The following COLGALT1 variants were observed in gnomAD, a reference collection of about 807,000 sequenced individuals.
COLGALT1 encodes procollagen galactosyltransferase 1.
A neutral mutation model predicts 60.8 loss-of-function variants in COLGALT1; 43 were observed. The observed-to-expected ratio is 0.71, with a 90% confidence interval of 0.55 to 0.91. COLGALT1 has a LOEUF of 0.91. Among genes scored for constraint, COLGALT1 ranks in the 40% least tolerant of loss-of-function variants. The pLI, the probability that COLGALT1 is intolerant of heterozygous loss-of-function variation, is 0.00. For missense variants in COLGALT1, 845 were observed against 880.0 expected (o/e 0.96, Z 0.50); for synonymous variants, 369 against 374.2 (o/e 0.99, Z 0.16).
Position 17,581,558 on chromosome 19 carries a change from G to T in COLGALT1, c.*114G>T, listed in dbSNP as rs2076383065. 1 of 1,372,424 alleles carries T rather than the reference G, an allele frequency of 7.3e-7. No individual in the cohort carries two copies. The highest frequency in any genetic ancestry group is 2.6e-5 in the Admixed American group (1 of 38,290). 85.0% of individuals were successfully genotyped at this position (1,372,424 alleles called of 1,614,324 possible). A position where few individuals can be genotyped will look rare whatever the true frequency, so the allele number is the denominator to read the frequency against. On this transcript the variant is annotated 3_prime_UTR_variant, in exon 12 of 12. Transcript: ENST00000252599. ...GGCAGGCCACAGAGGGCTCTCGTGTGGGGTGGTGTCCAGCCAGCTCTTGCT... is the reference window on the plus strand; with the variant it reads ...GGCAGGCCACAGAGGGCTCTCGTGTTGGGTGGTGTCCAGCCAGCTCTTGCT...
intron 3 of COLGALT1, among the ~76,000 whole-genome samples, chr19:17,565,365 C>T (rs1475230096): frequency 6.6e-6 from 1 of 151,990 alleles, no homozygotes; most frequent in Non-Finnish European, 1.5e-5. Flanking sequence ...CGGGGTTTCA[C>T]CGTGTTGCCC....
chr19:17,564,359 G>A (rs1038219690), intron 3 of COLGALT1, among the ~76,000 whole-genome samples: 1 of 149,700 alleles, frequency 6.7e-6, no homozygotes, highest in African/African-American at 2.5e-5. Flanking sequence ...ACATATATAC[G>A]TGTGTGTGTG....
At chr19:17,576,329 C>G (rs1362998764) in intron 6 of COLGALT1, among the ~76,000 whole-genome samples, 4 of 152,148 alleles carry the variant, frequency 2.6e-5, no homozygotes, top group South Asian at 4.2e-4. Flanking sequence ...AGGGTGACCC[C>G]CATGCCCAGG....
chr19:17,580,518 C>T (rs1015115180), intron 10 of COLGALT1, 181 bp from the exon 11 acceptor site: 18 of 627,122 alleles, frequency 2.9e-5, no homozygotes, highest in African/African-American at 2.4e-4. Context: ...ACTCACTCTT[C>T]TCCCCCATGA....
At chr19:17,576,944 A>G in intron 6 of COLGALT1, 1 of 528,550 alleles carries the variant, frequency 1.9e-6, no homozygotes, top group Non-Finnish European at 3.3e-6. Flanking sequence ...GGGTGTGGCC[A>G]GGGCTGAGAG....
intron 6 of COLGALT1, 169 bp from the exon 7 acceptor site, chr19:17,577,026 A>G (rs1055481839): frequency 1.8e-5 from 8 of 441,640 alleles, no homozygotes; most frequent in Non-Finnish European, 2.8e-5. Flanking sequence ...GCAGGGTTCA[A>G]ATGACATGGG....
At chr19:17,556,062 C>T in intron 1 of COLGALT1, 89 bp downstream of exon 1, 4 of 1,230,900 alleles carry the variant, frequency 3.2e-6, no homozygotes, top group East Asian at 6.4e-5. Context: ...AGCCCCTGCC[C>T]GCTGTCCTCT....
Position 17,568,684 on chromosome 19 carries a change from T to C in COLGALT1, c.800T>C (p.Ile267Thr). The C allele has an allele frequency of 6.2e-7, 1 of 1,614,204 alleles. No homozygotes were observed. Among genetic ancestry groups the C allele is most frequent in the Non-Finnish European group, 8.5e-7 (1 of 1,180,028 alleles). Residue 267 changes from isoleucine (I) to threonine (T), a missense_variant, in exon 5 of 12, where the codon ATC becomes ACC. Physicochemically the swap from Ile to Thr is moderately conservative, Grantham distance 89. Coordinates refer to ENST00000252599, the MANE Select transcript of COLGALT1 (RefSeq NM_024656.4). ...TACACCTGGTCCTTTGACGACATCA[T>C]CGTCTTTGCCTTCTCCTGCAAGCAG... Reference protein sequence around the residue: ...PDYTWSFDDIIVFAFSCKQAE... With the variant: ...PDYTWSFDDITVFAFSCKQAE...
rs1297017666 is a variant in COLGALT1, at chr19:17,581,032, C to T, written c.1601+127C>T. ...TTGCCTACTTCTCCCTCCGTTTGCC[C>T]CCTCGCAGATCTGTCTCCATTTGTA... On this transcript the variant is annotated intron_variant, in intron 11 of 11. Coordinates refer to ENST00000252599, the MANE Select transcript of COLGALT1 (RefSeq NM_024656.4). 9 of 1,391,562 alleles carry T rather than the reference C, an allele frequency of 6.5e-6. No individual in the cohort carries two copies. In the African/African-American group the frequency reaches 8.6e-5, roughly 13 times the overall value. The allele number at this position is 1,391,562 out of a possible 1,614,324, so 86.2% of individuals were successfully genotyped here.
chr19:17,579,172 AAAAAAAAAAAG>A (rs2076362887), intron 9 of COLGALT1, among the ~76,000 whole-genome samples: 1 of 151,948 alleles, frequency 6.6e-6, no homozygotes, highest in African/African-American at 2.4e-5. Flanking sequence ...CGTCTCAAAA[AAAAAAAAAAAG>A]AAAAAGAAAA....
chr19:17,563,043 C>G (rs2076258160), intron 3 of COLGALT1, among the ~76,000 whole-genome samples: 1 of 152,058 alleles, frequency 6.6e-6, no homozygotes, highest in Non-Finnish European at 1.5e-5. Context: ...ACAAAGCTGC[C>G]TTGTCCTGCC....
intron 5 of COLGALT1, among the ~76,000 whole-genome samples, chr19:17,569,957 C>A (rs551121993): frequency 3.9e-5 from 5 of 127,232 alleles, no homozygotes; most frequent in African/African-American, 1.5e-4. Flanking sequence ...TGCAGTGGCC[C>A]GATCTTGGCT....
chr19:17,567,563 G>A, intron 4 of COLGALT1, 23 bp downstream of exon 4: 1 of 1,607,712 alleles, frequency 6.2e-7, no homozygotes, highest in Non-Finnish European at 8.5e-7. Context: ...CCTGGGGACT[G>A]TGGGGACTGG....
At position 17,583,109 on chromosome 19, in the gene COLGALT1, T is replaced by C. The variant is rs73524020; in HGVS notation, c.*1665T>C. Reference sequence around the variant, plus strand: ...ACCAGCCAGCGGTGCTTCACCCTCTTGGGGATAACTTGCTTAGTTTTTTAA... The same window carrying C: ...ACCAGCCAGCGGTGCTTCACCCTCTCGGGGATAACTTGCTTAGTTTTTTAA... On this transcript the variant is annotated 3_prime_UTR_variant, in exon 12 of 12. Transcript: ENST00000252599. 0.024 allele frequency: 3,587 copies of C among 152,294 alleles called. 134 individuals carry two copies. The highest frequency in any genetic ancestry group is 0.083 in the African/African-American group (3,435 of 41,530). The allele number at this position is 152,294 out of a possible 1,614,324, so 9.4% of individuals were successfully genotyped here. A position where few individuals can be genotyped will look rare whatever the true frequency, so the allele number is the denominator to read the frequency against.
intron 4 of COLGALT1, among the ~76,000 whole-genome samples, chr19:17,567,842 G>A (rs1052920205): frequency 3.9e-5 from 6 of 152,014 alleles, no homozygotes; most frequent in Non-Finnish European, 7.4e-5. Flanking sequence ...CCAGCTGCTC[G>A]GGAGGCTGAA....
intron 6 of COLGALT1, among the ~76,000 whole-genome samples, chr19:17,575,306 C>A (rs2076334753): frequency 6.6e-6 from 1 of 152,116 alleles, no homozygotes; most frequent in Admixed American, 6.5e-5. Flanking sequence ...AGTGCAGTGG[C>A]CCGATCTCGG....
At chr19:17,574,847 C>A (rs959778350) in intron 6 of COLGALT1, among the ~76,000 whole-genome samples, 3 of 151,970 alleles carry the variant, frequency 2.0e-5, no homozygotes, top group African/African-American at 7.3e-5. Context: ...TAAGTTCTCA[C>A]ATATATTTGT....
intron 9 of COLGALT1, among the ~76,000 whole-genome samples, chr19:17,579,228 G>A (rs1339202757): frequency 6.6e-6 from 1 of 152,190 alleles, no homozygotes; most frequent in Non-Finnish European, 1.5e-5. Context: ...GCCAAATGGG[G>A]GTGTGCGGCT....
intron 5 of COLGALT1, among the ~76,000 whole-genome samples, chr19:17,569,704 CGGG>C (rs1429560730): frequency 6.6e-6 from 1 of 150,608 alleles, no homozygotes; most frequent in Non-Finnish European, 1.5e-5. Flanking sequence ...CCCAAAGTGC[CGGG>C]ATTACAGGAG....
Sources: allele counts gnomAD v4.1 joint callset (sites outside exome capture counted in the v4.1 genomes callset), GRCh38; gene constraint gnomAD v4.1.1; transcripts MANE v1.5; gene names NCBI Gene and HGNC (gene_info 2026-07-23, HGNC 2026-07-21).